The following SCHIP1 variants were observed in gnomAD, a reference collection of about 807,000 sequenced individuals.
The protein encoded by SCHIP1 is schwannomin-interacting protein 1.
A neutral mutation model predicts 29.7 loss-of-function variants in SCHIP1; 8 were observed. The ratio of observed to expected loss-of-function variants is 0.27; its 90% CI spans 0.16 to 0.49. The LOEUF (loss-of-function observed/expected upper bound fraction) is 0.49. Among genes scored for constraint, SCHIP1 ranks in the 20% least tolerant of loss-of-function variants. The pLI is 0.99. For synonymous variants in SCHIP1, 76 were observed against 94.9 expected (o/e 0.80, Z 1.16); for missense variants, 193 against 294.6 (o/e 0.66, Z 2.52).
At chr3:159,801,343 CATTT>C in the SCHIP1 span, among the ~76,000 whole-genome samples, 7 of 152,100 alleles carry the variant, frequency 4.6e-5, no homozygotes, top group African/African-American at 1.7e-4. Context: ...AGAACATAAA[CATTT>C]GTTTGTAAGT....
chr3:159,580,659 CAAGA>C, the SCHIP1 span, among the ~76,000 whole-genome samples: 2 of 152,116 alleles, frequency 1.3e-5, no homozygotes, highest in African/African-American at 4.8e-5. Flanking sequence ...TCAGTTTGGT[CAAGA>C]CACAGCCTCA....
the SCHIP1 span, among the ~76,000 whole-genome samples, chr3:159,782,419 T>G: frequency 6.6e-6 from 1 of 152,272 alleles, no homozygotes; most frequent in African/African-American, 2.4e-5. Context: ...TAGCTGTTTC[T>G]CTTTGCTAAT....
At chr3:159,614,146 T>C in the SCHIP1 span, among the ~76,000 whole-genome samples, 1 of 151,826 alleles carries the variant, frequency 6.6e-6, no homozygotes, top group Non-Finnish European at 1.5e-5. Flanking sequence ...ATATAAGTAG[T>C]GTGGTTCTAA....
chr3:159,583,572 C>T, the SCHIP1 span, among the ~76,000 whole-genome samples: 1 of 152,038 alleles, frequency 6.6e-6, no homozygotes, highest in African/African-American at 2.4e-5. Flanking sequence ...GTCTCCAAAC[C>T]CAGAGCATAA....
the SCHIP1 span, among the ~76,000 whole-genome samples, chr3:159,627,025 C>A: frequency 6.6e-6 from 1 of 152,150 alleles, no homozygotes; most frequent in African/African-American, 2.4e-5. Flanking sequence ...AATGCTCTCC[C>A]TCCCTTTGCC....
chr3:159,802,925 C>T, the SCHIP1 span, among the ~76,000 whole-genome samples: 1 of 152,094 alleles, frequency 6.6e-6, no homozygotes, highest in African/African-American at 2.4e-5. Flanking sequence ...TGGCTTTCTG[C>T]CTCATGGTCC....
the SCHIP1 span, among the ~76,000 whole-genome samples, chr3:159,673,488 G>A: frequency 6.6e-6 from 1 of 152,162 alleles, no homozygotes; most frequent in Non-Finnish European, 1.5e-5. Flanking sequence ...AGGCTGATTT[G>A]GCAATCTCTC....
At chr3:159,502,120 T>C in the SCHIP1 span, among the ~76,000 whole-genome samples, 4 of 152,232 alleles carry the variant, frequency 2.6e-5, no homozygotes, top group African/African-American at 9.6e-5. Flanking sequence ...ATAAAGGTGT[T>C]AACATGTAAT....
At chr3:159,578,692 T>A in the SCHIP1 span, among the ~76,000 whole-genome samples, 1 of 152,156 alleles carries the variant, frequency 6.6e-6, no homozygotes, top group Admixed American at 6.6e-5. Flanking sequence ...GGCCCCTTTT[T>A]CCATCTTCAA....
the SCHIP1 span, among the ~76,000 whole-genome samples, chr3:159,317,454 C>T: frequency 1.3e-5 from 2 of 152,140 alleles, no homozygotes; most frequent in South Asian, 2.1e-4. Context: ...GTGAGTGTTG[C>T]CACTTCCACT....
the SCHIP1 span, among the ~76,000 whole-genome samples, chr3:159,593,981 G>T: frequency 2.0e-5 from 3 of 152,170 alleles, no homozygotes; most frequent in African/African-American, 7.2e-5. Flanking sequence ...TCCCTCACCT[G>T]CACAGAGTAG....
chr3:159,894,766 G>C (rs1717894370), intron 6 of SCHIP1: 1 of 151,142 alleles, frequency 6.6e-6, no homozygotes, highest in African/African-American at 2.4e-5. Context: ...AATCCTAATA[G>C]GGACTCTTAT....
chr3:159,579,243 A>G, the SCHIP1 span, among the ~76,000 whole-genome samples: 1 of 152,202 alleles, frequency 6.6e-6, no homozygotes, highest in Non-Finnish European at 1.5e-5. Context: ...AGAATACTGG[A>G]TTCACTTTCT....
At chr3:159,298,419 A>G in the SCHIP1 span, among the ~76,000 whole-genome samples, 1 of 152,192 alleles carries the variant, frequency 6.6e-6, no homozygotes, top group Non-Finnish European at 1.5e-5. Flanking sequence ...TGTCACCTAC[A>G]GGCTCCCCAG....
intron 1 of SCHIP1, among the ~76,000 whole-genome samples, chr3:159,857,611 C>T (rs1173639454): frequency 6.6e-6 from 1 of 152,112 alleles, no homozygotes; most frequent in African/African-American, 2.4e-5. Context: ...TTCTCTTAGC[C>T]TCTGACAACC....
At chr3:159,568,775 A>G in the SCHIP1 span, among the ~76,000 whole-genome samples, 1 of 152,138 alleles carries the variant, frequency 6.6e-6, no homozygotes, top group South Asian at 2.1e-4. Context: ...CTATATCCTT[A>G]ATGAATTTTT....
At chr3:159,857,289 A>G (rs1272767052) in intron 1 of SCHIP1, among the ~76,000 whole-genome samples, 1 of 152,210 alleles carries the variant, frequency 6.6e-6, no homozygotes, top group Non-Finnish European at 1.5e-5. Context: ...TCTCACACAC[A>G]CATGCACACA....
the SCHIP1 span, among the ~76,000 whole-genome samples, chr3:159,368,457 T>C: frequency 1.3e-5 from 2 of 152,228 alleles, no homozygotes; most frequent in Non-Finnish European, 2.9e-5. Context: ...AGCACTGGCC[T>C]AGCAGTCAGA....
At chr3:159,510,242 T>C in the SCHIP1 span, among the ~76,000 whole-genome samples, 2,584 of 152,362 alleles carry the variant, frequency 0.017, 80 homozygotes, top group African/African-American at 0.06. Context: ...TGATACCCTT[T>C]CTTCCAGTTG....
Sources: allele counts gnomAD v4.1 joint callset (sites outside exome capture counted in the v4.1 genomes callset), GRCh38; gene constraint gnomAD v4.1.1; transcripts MANE v1.5; gene names NCBI Gene and HGNC (gene_info 2026-07-23, HGNC 2026-07-21).